The following SPAG9 variants were observed in gnomAD, a reference collection of about 807,000 sequenced individuals.
The protein encoded by SPAG9 is C-Jun-amino-terminal kinase-interacting protein 4.
SPAG9 carries 35 observed loss-of-function variants against 166.5 expected under a neutral mutation model. The ratio of observed to expected loss-of-function variants is 0.21; its 90% CI spans 0.16 to 0.28. The LOEUF is 0.28. SPAG9 is among the 10% of genes least tolerant of loss of function. The pLI is 1.00. For synonymous variants in SPAG9, 534 were observed against 565.5 expected (o/e 0.94, Z 0.79); for missense variants, 1,235 against 1,603.3 (o/e 0.77, Z 3.92).
At chr17:51,029,365 T>C (rs959550655) in intron 6 of SPAG9, among the ~76,000 whole-genome samples, 2 of 152,222 alleles carry the variant, frequency 1.3e-5, no homozygotes, top group Middle Eastern at 3.4e-3. Context: ...GTTGGTAGGA[T>C]TGTAAAATGA....
rs1555658080 is a variant in SPAG9 at position 51,089,659 on chromosome 17, TATATAC to T, written c.304-9961_304-9956del. Among the ~76,000 whole-genome samples, 731 of 103,032 alleles carry T rather than the reference TATATAC, an allele frequency of 7.1e-3. 19 individuals are homozygous for T. The highest frequency in any genetic ancestry group is 0.011 in the African/African-American group (272 of 25,250). 67.6% of individuals were successfully genotyped at this position (103,032 alleles called of 152,430 possible). A position where few individuals can be genotyped will look rare whatever the true frequency, so the allele number is the denominator to read the frequency against. On this transcript the variant is annotated intron_variant, in intron 1 of 29. Coordinates refer to ENST00000262013, the MANE Select transcript of SPAG9 (RefSeq NM_001130528.3). The stretch of plus-strand genomic sequence containing the variant: ...ATATATATATATATATATATATATA[TATATAC>T]ACATACACACACACACTTTCTTTTT...
At position 50,989,839 on chromosome 17, in the gene SPAG9, T is replaced by C. The variant is rs368531703; in HGVS notation, c.2651A>G (p.Asn884Ser). Reference sequence around the variant, plus strand: ...AGTTGCTTCTTCTGCTGTTGGAACATTTTCATCAACCTCACTATTTTCTGC... The same window carrying C: ...AGTTGCTTCTTCTGCTGTTGGAACACTTTCATCAACCTCACTATTTTCTGC... ...MEAENSEVDE[N>S]VPTAEEATEA... The change falls in exon 21 of 30, where the codon AAT becomes AGT. Residue 884 changes from asparagine (N) to serine (S), a missense_variant. Coordinates refer to ENST00000262013, the MANE Select transcript of SPAG9 (RefSeq NM_001130528.3). 1.2e-5 allele frequency: 20 copies of C among 1,613,946 alleles called. No homozygotes were observed. Among genetic ancestry groups the C allele is most frequent in the Non-Finnish European group, 1.5e-5 (18 of 1,179,990 alleles).
chr17:51,064,844 G>A lies in SPAG9; in HGVS notation c.425-8362C>T, dbSNP rs139915664. Among the ~76,000 whole-genome samples, 974 of 152,204 alleles carry A rather than the reference G, an allele frequency of 6.4e-3. 13 individuals are homozygous for A. The highest frequency in any genetic ancestry group is 0.021 in the African/African-American group (889 of 41,534). ...CACTTCAAAATGGTGAATTTTGGCCGGGTGCGGTGGCTCAGGCCTGTAATC... is the reference window on the plus strand; with the variant it reads ...CACTTCAAAATGGTGAATTTTGGCCAGGTGCGGTGGCTCAGGCCTGTAATC... On this transcript the variant is annotated intron_variant, in intron 2 of 29. Transcript: ENST00000262013.
intron 24 of SPAG9, 24 bp downstream of exon 24, chr17:50,984,899 T>G: frequency 6.3e-7 from 1 of 1,597,004 alleles, no homozygotes; most frequent in Non-Finnish European, 8.6e-7. Flanking sequence ...TTAGTGTCCA[T>G]GTTATACACA....
At chr17:51,079,444 G>A (rs1293402523) in intron 2 of SPAG9, 140 bp downstream of exon 2, 13 of 652,664 alleles carry the variant, frequency 2.0e-5, no homozygotes, top group Middle Eastern at 3.8e-4. Context: ...TCACCATGTT[G>A]ACCAGGCTGG....
Position 51,056,446 on chromosome 17 carries a change from T to C in SPAG9, c.461A>G (p.Lys154Arg), listed in dbSNP as rs2144519857. 2 of 1,609,522 alleles carry C rather than the reference T, an allele frequency of 1.2e-6. No individual in the cohort carries two copies. Among genetic ancestry groups the C allele is most frequent in the East Asian group, 2.2e-5 (1 of 44,754 alleles). ...TCTTTGATGTAATGCATTATATTCC[T>C]TCTTCAGTTCTGCTTCTCTTTCTTC... ...RLEEREAELK[K>R]EYNALHQRHT... Residue 154 changes from lysine to arginine, a missense_variant, in exon 3 of 30, where the codon AAG (lysine) becomes AGG (arginine). Transcript: ENST00000262013.
In SPAG9 at chr17:51,047,112, C is replaced by A. The variant is rs577701014; in HGVS notation, c.590+263G>T. On this transcript the variant is annotated intron_variant, in intron 4 of 29. Transcript: ENST00000262013. Reference sequence around the variant, plus strand: ...TTCCCATAAATTACAAAATTTTAAACCTAGTATAATCTCCATCAAGTATCA... The same window carrying A: ...TTCCCATAAATTACAAAATTTTAAAACTAGTATAATCTCCATCAAGTATCA... 37 of 231,214 alleles carry A rather than the reference C, an allele frequency of 1.6e-4. No individual in the cohort carries two copies. In the South Asian group the frequency reaches 3.6e-3, roughly 22 times the overall value. The allele number at this position is 231,214 out of a possible 1,614,324, so 14.3% of individuals were successfully genotyped here. A position where few individuals can be genotyped will look rare whatever the true frequency, so the allele number is the denominator to read the frequency against.
chr17:51,012,915 T>A (rs961027224), intron 9 of SPAG9, among the ~76,000 whole-genome samples: 1 of 151,496 alleles, frequency 6.6e-6, no homozygotes, highest in Non-Finnish European at 1.5e-5. Flanking sequence ...CCTGGCTAAT[T>A]TTGATATTTT....
rs559416822 is a variant in SPAG9 at position 51,098,234 on chromosome 17, C to A, written c.304-18530G>T. 5.9e-5 allele frequency among the ~76,000 whole-genome samples: 9 copies of A among 152,190 alleles called. No homozygotes were observed. The East Asian group carries it at 1.7e-3, about 29-fold the overall frequency. ...GTTCAAGGGTGGCATATCTCACACA[C>A]CTGCATGAACACCCAATCACCATGC... On this transcript the variant is annotated intron_variant, in intron 1 of 29. Coordinates refer to ENST00000262013, the MANE Select transcript of SPAG9 (RefSeq NM_001130528.3).
At chr17:51,111,008 C>G (rs1041541538) in intron 1 of SPAG9, among the ~76,000 whole-genome samples, 5 of 151,264 alleles carry the variant, frequency 3.3e-5, no homozygotes, top group African/African-American at 1.2e-4. Context: ...CCCAGCTACA[C>G]GGGAGGCTGA....
intron 6 of SPAG9, chr17:51,031,452 C>A: frequency 1.9e-6 from 1 of 539,328 alleles, no homozygotes; most frequent in South Asian, 2.2e-5. Flanking sequence ...CTTATATTTT[C>A]TTTCCTTTAT....
At chr17:50,987,505 C>G (rs78931070) in intron 21 of SPAG9, among the ~76,000 whole-genome samples, 2 of 150,850 alleles carry the variant, frequency 1.3e-5, no homozygotes, top group Non-Finnish European at 2.9e-5. Context: ...TCACACCTGG[C>G]TTCAACTTTT....
intron 12 of SPAG9, among the ~76,000 whole-genome samples, chr17:51,002,939 G>A (rs142848826): frequency 6.6e-5 from 10 of 150,910 alleles, no homozygotes; most frequent in Middle Eastern, 3.4e-3. Flanking sequence ...AATTAGCCAC[G>A]TATGGGGTGG....
At chr17:51,083,926 C>A (rs903407030) in intron 1 of SPAG9, among the ~76,000 whole-genome samples, 2 of 152,096 alleles carry the variant, frequency 1.3e-5, no homozygotes, top group Non-Finnish European at 2.9e-5. Flanking sequence ...AAGTTTAGCA[C>A]CTCTTCGCTA....
chr17:51,089,665 C>CACAT (rs1555658115), intron 1 of SPAG9, among the ~76,000 whole-genome samples: 54 of 44,370 alleles, frequency 1.2e-3, no homozygotes, highest in African/African-American at 3.6e-3. Flanking sequence ...TATATATATA[C>CACAT]ACATACACAC....
chr17:51,068,984 T>C (rs2047746410), intron 2 of SPAG9, among the ~76,000 whole-genome samples: 1 of 152,174 alleles, frequency 6.6e-6, no homozygotes, highest in South Asian at 2.1e-4. Flanking sequence ...TGCCTAATTT[T>C]CTACTTTCCC....
At chr17:51,113,695 A>G (rs2049195231) in intron 1 of SPAG9, among the ~76,000 whole-genome samples, 1 of 149,770 alleles carries the variant, frequency 6.7e-6, no homozygotes, top group Non-Finnish European at 1.5e-5. Flanking sequence ...AAAAAAAAAC[A>G]ACAACAACAA....
chr17:51,095,943 AGT>A (rs1371577238), intron 1 of SPAG9, among the ~76,000 whole-genome samples: 3 of 109,370 alleles, frequency 2.7e-5, no homozygotes, highest in Non-Finnish European at 5.5e-5. Flanking sequence ...ATAGTGATAT[AGT>A]TATATATATA....
intron 15 of SPAG9, among the ~76,000 whole-genome samples, chr17:50,997,151 C>T (rs2044717975): frequency 6.6e-6 from 1 of 152,114 alleles, no homozygotes; most frequent in Non-Finnish European, 1.5e-5. Flanking sequence ...AACAAACAAA[C>T]AAACAAACAA....
Sources: allele counts gnomAD v4.1 joint callset (sites outside exome capture counted in the v4.1 genomes callset), GRCh38; gene constraint gnomAD v4.1.1; transcripts MANE v1.5; gene names NCBI Gene and HGNC (gene_info 2026-07-23, HGNC 2026-07-21).